The following CD226 variants were observed in gnomAD, a reference collection of about 807,000 sequenced individuals.
The protein encoded by CD226 is CD226 antigen.
CD226 carries 24 observed loss-of-function variants against 34.9 expected under a neutral mutation model. The observed-to-expected ratio is 0.69, with a 90% confidence interval of 0.50 to 0.97. CD226 has a LOEUF of 0.97. Among genes scored for constraint, CD226 ranks in the 50% least tolerant of loss-of-function variants. The pLI is 0.00. For synonymous variants in CD226, 148 were observed against 147.4 expected (o/e 1.00, Z -0.03); for missense variants, 397 against 412.7 (o/e 0.96, Z 0.33).
chr18:69,921,418 T>C (rs2055449583), intron 2 of CD226, among the ~76,000 whole-genome samples: 1 of 152,172 alleles, frequency 6.6e-6, no homozygotes, highest in Admixed American at 6.5e-5. Context: ...CTATCCTATC[T>C]GCACTCTGGC....
intron 2 of CD226, among the ~76,000 whole-genome samples, chr18:69,918,295 G>A (rs1165800556): frequency 1.3e-5 from 2 of 152,226 alleles, no homozygotes; most frequent in South Asian, 2.1e-4. Flanking sequence ...GCTCACGCCT[G>A]TAATCCCAGC....
At chr18:69,960,351 A>G (rs2055924235), upstream of CD226, among the ~76,000 whole-genome samples, 1 of 152,222 alleles carries the variant, frequency 6.6e-6, no homozygotes, top group South Asian at 2.1e-4. Context: ...CTGAACATAG[A>G]AAGCAGGAGC....
chr18:69,951,257 C>G (rs1035606767), upstream of CD226, among the ~76,000 whole-genome samples: 1 of 152,050 alleles, frequency 6.6e-6, no homozygotes, highest in African/African-American at 2.4e-5. Context: ...GGAGTACGGG[C>G]ATGATCCACC....
At chr18:69,925,873 T>G (rs532672185) in intron 2 of CD226, among the ~76,000 whole-genome samples, 1 of 152,296 alleles carries the variant, frequency 6.6e-6, no homozygotes, top group South Asian at 2.1e-4. Flanking sequence ...CTGGAAACAG[T>G]GGATCCTGCC....
At chr18:69,889,750 C>T (rs1202810536) in intron 3 of CD226, among the ~76,000 whole-genome samples, 1 of 152,142 alleles carries the variant, frequency 6.6e-6, no homozygotes, top group Admixed American at 6.5e-5. Flanking sequence ...TTATAACTTA[C>T]AGCACTCTAT....
chr18:69,936,093 C>T (rs1289404843), intron 2 of CD226, among the ~76,000 whole-genome samples: 1 of 152,192 alleles, frequency 6.6e-6, no homozygotes, highest in Non-Finnish European at 1.5e-5. Flanking sequence ...GACAGACGGA[C>T]AATCTCAATC....
At chr18:69,960,366 G>A (rs75753544), upstream of CD226, among the ~76,000 whole-genome samples, 764 of 152,294 alleles carry the variant, frequency 5.0e-3, 4 homozygotes, top group African/African-American at 0.018. Context: ...AGGAGCTACT[G>A]CAGAACAAAC....
At chr18:69,934,277 G>GATAC (rs139497560) in intron 2 of CD226, among the ~76,000 whole-genome samples, 6,431 of 44,480 alleles carry the variant, frequency 0.14, 182 homozygotes, top group Admixed American at 0.26. Flanking sequence ...CCACACAGAG[G>GATAC]ATACACACAC....
intron 1 of CD226, among the ~76,000 whole-genome samples, chr18:69,953,721 C>A (rs1235614881): frequency 6.6e-6 from 1 of 152,120 alleles, no homozygotes; most frequent in Non-Finnish European, 1.5e-5. Context: ...TAATCTTGAC[C>A]TGGTGTGGTG....
At chr18:69,926,011 C>T (rs116973425) in intron 2 of CD226, among the ~76,000 whole-genome samples, 1,902 of 152,122 alleles carry the variant, frequency 0.013, 24 homozygotes, top group South Asian at 0.037. Context: ...GGTGTGAGGG[C>T]GCACAACTGC....
chr18:69,864,394 T>C lies in CD226; in HGVS notation c.931A>G (p.Asn311Asp). ...RSPISTSQPT[N>D]QSMDDTREDI... The stretch of plus-strand genomic sequence containing the variant: ...TCTCTTGTATCATCCATGGATTGAT[T>C]GGTAGGTTGACTGGTAGAGATGGGA... The change falls in exon 6 of 6, where the codon AAT becomes GAT. Residue 311 changes from asparagine (N) to aspartate (D), a missense_variant. By Grantham distance (23) the Asn-to-Asp change is conservative. Coordinates refer to ENST00000582621, the MANE Select transcript of CD226 (RefSeq NM_001303618.2). 2 of 1,613,376 alleles carry C rather than the reference T, an allele frequency of 1.2e-6. No individual in the cohort carries two copies. The highest frequency in any genetic ancestry group is 1.7e-6 in the Non-Finnish European group (2 of 1,179,430).
In CD226 at chr18:69,863,023, AT is replaced by A. The variant is rs1428132042; in HGVS notation, c.*1290del. 5.9e-5 allele frequency: 9 copies of A among 152,178 alleles called. No homozygotes were observed. Among genetic ancestry groups the A allele is most frequent in the Non-Finnish European group, 1.3e-4 (9 of 68,004 alleles). The allele number at this position is 152,178 out of a possible 1,614,324, so 9.4% of individuals were successfully genotyped here. On this transcript the variant is annotated 3_prime_UTR_variant, in exon 6 of 6. Transcript: ENST00000582621. ...TTTTCATTGTTAGCCTACATCTAGA[AT>A]TTAAACAATATTAGGTATGGTCTCT... is the stretch of plus-strand genomic sequence containing the variant.
chr18:69,871,876 T>C (rs1983543511), intron 4 of CD226, among the ~76,000 whole-genome samples: 1 of 152,120 alleles, frequency 6.6e-6, no homozygotes, highest in Non-Finnish European at 1.5e-5. Context: ...GAAGATGACA[T>C]GCCAACCCAG....
intron 2 of CD226, among the ~76,000 whole-genome samples, chr18:69,899,612 G>A (rs1985487039): frequency 6.6e-6 from 1 of 152,156 alleles, no homozygotes; most frequent in Non-Finnish European, 1.5e-5. Context: ...TAAAAAGTGG[G>A]TAAAGGACAC....
chr18:69,908,225 T>C (rs1378124600), intron 2 of CD226, among the ~76,000 whole-genome samples: 5 of 152,240 alleles, frequency 3.3e-5, no homozygotes, highest in African/African-American at 1.2e-4. Context: ...TCTGTGGCTA[T>C]GTCTTGCTTT....
rs757759542 is a variant in CD226, at chr18:69,895,918, G to T, written c.510C>A (p.Pro170=). ...VQAVRWEKIQ[P]RQIDLLTYCN... ...AGTAAGTTAAGAGGTCGATCTGACGGGGCTGGATCTTTTCCCACCTCACTG... is the reference window on the plus strand; with the variant it reads ...AGTAAGTTAAGAGGTCGATCTGACGTGGCTGGATCTTTTCCCACCTCACTG... Residue 170 remains proline (P), a synonymous_variant, in exon 3 of 6, where the codon CCC becomes CCA. Coordinates refer to ENST00000582621, the MANE Select transcript of CD226 (RefSeq NM_001303618.2). 3 of 1,614,126 alleles carry T rather than the reference G, an allele frequency of 1.9e-6. No individual in the cohort carries two copies. In the Admixed American group the frequency reaches 5.0e-5, roughly 27 times the overall value.
At chr18:69,948,989 G>A (rs1208203970), upstream of CD226, among the ~76,000 whole-genome samples, 1 of 152,150 alleles carries the variant, frequency 6.6e-6, no homozygotes, top group African/African-American at 2.4e-5. Context: ...TGTGGAAAAG[G>A]TTTTATAGAA....
chr18:69,880,650 T>C (rs114293040), intron 3 of CD226, among the ~76,000 whole-genome samples: 12,587 of 57,046 alleles, frequency 0.22, 597 homozygotes, highest in South Asian at 0.31. Context: ...AGTCTTAAGA[T>C]TTCTTTTTTT....
Position 69,947,075 on chromosome 18 carries a change from A to T in CD226, c.47-6T>A, listed in dbSNP as rs1356783591. 3.1e-6 allele frequency: 5 copies of T among 1,602,452 alleles called. No individual in the cohort carries two copies. Among genetic ancestry groups the T allele is most frequent in the Non-Finnish European group, 4.3e-6 (5 of 1,170,358 alleles). ...AAGCACCTCTTCACATAGAGCTGAA[A>T]TATACAACATCACATTAATTGTTAG... is the stretch of plus-strand genomic sequence containing the variant. On this transcript the variant is annotated splice_polypyrimidine_tract_variant and splice_region_variant and intron_variant, in intron 1 of 5. Transcript: ENST00000582621.
Sources: gnomAD v4.1 joint callset for allele counts (sites outside exome capture counted in the v4.1 genomes callset) on GRCh38, gnomAD v4.1.1 for gene constraint, MANE v1.5 for transcripts, NCBI Gene and HGNC (gene_info 2026-07-23, HGNC 2026-07-21) for gene names.